Variants in EPHA6 observed in about 807,000 individuals in gnomAD.
The protein encoded by EPHA6 is ephrin type-A receptor 6.
In EPHA6, 50 loss-of-function variants were observed where a neutral mutation model predicts 112.0. The observed-to-expected ratio is 0.45, with a 90% CI of 0.36 to 0.56. The LOEUF (loss-of-function observed/expected upper bound fraction) is 0.56. Ranked by LOEUF, EPHA6 falls within the 20% of genes least tolerant of loss-of-function variation. EPHA6 has a pLI of 0.00. For synonymous variants in EPHA6, 529 were observed against 490.7 expected, an observed-to-expected ratio of 1.08 and a Z score of -1.03; for missense variants, 1,280 against 1,417.4, an observed-to-expected ratio of 0.90 and a Z score of 1.56.
intron 9 of EPHA6, among the ~76,000 whole-genome samples, chr3:97,480,344 G>A (rs1000276565): frequency 6.6e-6 from 1 of 151,988 alleles, no homozygotes; most frequent in Admixed American, 6.6e-5. Context: ...ATGTGAACAA[G>A]GGTTCTCTGG....
At chr3:96,961,390 G>C (rs2041944421) in intron 2 of EPHA6, among the ~76,000 whole-genome samples, 1 of 152,136 alleles carries the variant, frequency 6.6e-6, no homozygotes, top group Non-Finnish European at 1.5e-5. Context: ...GTCAGATCCT[G>C]GTCTTGGTTT....
intron 3 of EPHA6, among the ~76,000 whole-genome samples, chr3:97,056,913 C>T (rs2045872484): frequency 6.6e-6 from 1 of 152,098 alleles, no homozygotes; most frequent in African/African-American, 2.4e-5. Context: ...CTACTGCCAC[C>T]ACCACAATTA....
chr3:97,726,524 A>G lies in EPHA6; in HGVS notation c.2934+6114A>G, dbSNP rs147720337. On this transcript the variant is annotated intron_variant, in intron 15 of 17. Transcript: ENST00000389672. ...TTACTATATTTCTTAAAAATATTTA[A>G]GGCAGTAGCTTAAAATCAAATTTTA... Among the ~76,000 whole-genome samples the G allele has an allele frequency of 3.8e-3, 583 of 152,266 alleles. 3 individuals carry two copies. The highest frequency in any genetic ancestry group is 0.013 in the African/African-American group (550 of 41,568).
intron 1 of EPHA6, among the ~76,000 whole-genome samples, chr3:96,833,246 A>T (rs1287466814): frequency 6.7e-6 from 1 of 150,264 alleles, no homozygotes; most frequent in Non-Finnish European, 1.5e-5. Flanking sequence ...ACATGTACAC[A>T]AGTGGAATGA....
At chr3:97,640,855 G>C (rs1392556984) in intron 14 of EPHA6, among the ~76,000 whole-genome samples, 1 of 152,086 alleles carries the variant, frequency 6.6e-6, no homozygotes, top group Non-Finnish European at 1.5e-5. Context: ...AGGACTAGTA[G>C]CAGACAGACC....
intron 11 of EPHA6, among the ~76,000 whole-genome samples, chr3:97,591,036 C>A (rs769304528): frequency 6.6e-6 from 1 of 152,184 alleles, no homozygotes; most frequent in Non-Finnish European, 1.5e-5. Context: ...TTCTGACTTA[C>A]CACTTGGCAT....
At chr3:97,108,716 G>C (rs1472927774) in intron 3 of EPHA6, among the ~76,000 whole-genome samples, 2 of 152,076 alleles carry the variant, frequency 1.3e-5, no homozygotes, top group Non-Finnish European at 2.9e-5. Context: ...TTATTCTGGT[G>C]GACAAGGTAA....
At chr3:96,910,826 C>A (rs1340090980) in intron 2 of EPHA6, among the ~76,000 whole-genome samples, 1 of 151,914 alleles carries the variant, frequency 6.6e-6, no homozygotes, top group African/African-American at 2.4e-5. Flanking sequence ...GTATGTTTCC[C>A]CATAACAGTG....
At chr3:97,484,315 A>T (rs1474151138) in intron 10 of EPHA6, among the ~76,000 whole-genome samples, 1 of 152,118 alleles carries the variant, frequency 6.6e-6, no homozygotes, top group African/African-American at 2.4e-5. Flanking sequence ...TTACAATGAA[A>T]CTATAATTTT....
chr3:97,622,441 G>A (rs997981715), intron 13 of EPHA6, among the ~76,000 whole-genome samples: 2 of 151,702 alleles, frequency 1.3e-5, no homozygotes, highest in Admixed American at 1.3e-4. Flanking sequence ...TTCTTTTTAA[G>A]GATAAATGAT....
At chr3:97,408,912 G>A (rs970991954) in intron 6 of EPHA6, among the ~76,000 whole-genome samples, 1 of 152,036 alleles carries the variant, frequency 6.6e-6, no homozygotes, top group Non-Finnish European at 1.5e-5. Flanking sequence ...TTATTTATTT[G>A]TGGATCTGGA....
chr3:97,239,869 T>C (rs2078791394), intron 4 of EPHA6, among the ~76,000 whole-genome samples: 2 of 151,942 alleles, frequency 1.3e-5, no homozygotes, highest in Non-Finnish European at 2.9e-5. Flanking sequence ...CTGTACATTT[T>C]CATATATATT....
At chr3:97,453,677 T>C (rs1661802784) in intron 7 of EPHA6, among the ~76,000 whole-genome samples, 1 of 151,768 alleles carries the variant, frequency 6.6e-6, no homozygotes, top group South Asian at 2.1e-4. Flanking sequence ...AAAAGTGGTA[T>C]GTAGATACAA....
intron 3 of EPHA6, among the ~76,000 whole-genome samples, chr3:97,198,134 G>GTTT (rs1367955627): frequency 1.3e-5 from 2 of 151,976 alleles, no homozygotes; most frequent in Non-Finnish European, 2.9e-5. Flanking sequence ...AGGTACTATG[G>GTTT]TCACTCACCT....
At position 97,690,592 on chromosome 3, in the gene EPHA6, T is replaced by C. The variant is rs113271169; in HGVS notation, c.2785-29669T>C. Reference sequence around the variant, plus strand: ...AAACGATTCTCCTACCTCAGCCTCTTAAGTAGCTGGGATTACAGGCTCACA... The same window carrying C: ...AAACGATTCTCCTACCTCAGCCTCTCAAGTAGCTGGGATTACAGGCTCACA... On this transcript the variant is annotated intron_variant, in intron 14 of 17. Coordinates refer to ENST00000389672, the MANE Select transcript of EPHA6 (RefSeq NM_001080448.3). 5.8e-3 allele frequency among the ~76,000 whole-genome samples: 882 copies of C among 152,024 alleles called. 7 individuals are homozygous for C. The highest frequency in any genetic ancestry group is 0.019 in the African/African-American group (799 of 41,478).
intron 1 of EPHA6, among the ~76,000 whole-genome samples, chr3:96,852,726 G>A (rs531091699): frequency 1.9e-3 from 293 of 151,996 alleles, no homozygotes; most frequent in South Asian, 2.1e-3. Flanking sequence ...CTTAACAGAT[G>A]ATTGACAAAG....
intron 13 of EPHA6, among the ~76,000 whole-genome samples, chr3:97,614,501 A>AT (rs35126699): frequency 0.047 from 4,620 of 97,972 alleles, 93 homozygotes; most frequent in Non-Finnish European, 0.06. Context: ...CACCCAGCTA[A>AT]TTTTTTTTTT....
chr3:97,168,201 G>T (rs920949073), intron 3 of EPHA6, among the ~76,000 whole-genome samples: 1 of 152,080 alleles, frequency 6.6e-6, no homozygotes, highest in Non-Finnish European at 1.5e-5. Flanking sequence ...TTTTTACTGT[G>T]ACTGAAAATG....
intron 14 of EPHA6, among the ~76,000 whole-genome samples, chr3:97,699,518 C>T (rs949299741): frequency 9.9e-5 from 15 of 152,214 alleles, no homozygotes; most frequent in Admixed American, 8.5e-4. Context: ...AACCTCAGAG[C>T]CCATAAGTTG....
Sources: allele counts gnomAD v4.1 joint callset (sites outside exome capture counted in the v4.1 genomes callset), GRCh38; gene constraint gnomAD v4.1.1; transcripts MANE v1.5; gene names NCBI Gene and HGNC (gene_info 2026-07-23, HGNC 2026-07-21).